PADI2: variants seen among roughly 807,000 people sequenced by gnomAD.
PADI2 encodes peptidyl arginine deiminase 2, also known as protein-arginine deiminase type-2.
In PADI2, 70 loss-of-function variants were observed where a neutral mutation model predicts 81.1. The observed-to-expected ratio is 0.86, with a 90% CI of 0.71 to 1.05. PADI2 has a LOEUF of 1.05. Among genes scored for constraint, PADI2 ranks in the 50% least tolerant of loss-of-function variants. The pLI, the probability that PADI2 is intolerant of heterozygous loss-of-function variation, is 0.00. For missense variants in PADI2, 853 were observed against 889.9 expected (o/e 0.96, Z 0.53); for synonymous variants, 338 against 358.0 (o/e 0.94, Z 0.63).
Position 17,074,965 on chromosome 1 carries a change from C to G in PADI2, c.1456-16G>C. Reference sequence around the variant, plus strand: ...GCAGGAATTTCTGCAAGAGACAGTCCAGAGGGACAGAGTCAGCAGTGGGAA... The same window carrying G: ...GCAGGAATTTCTGCAAGAGACAGTCGAGAGGGACAGAGTCAGCAGTGGGAA... On this transcript the variant is annotated splice_polypyrimidine_tract_variant and intron_variant, in intron 12 of 15. Coordinates refer to ENST00000375486, the MANE Select transcript of PADI2 (RefSeq NM_007365.3). 3.8e-6 allele frequency: 6 copies of G among 1,569,354 alleles called. No individual in the cohort carries two copies. The highest frequency in any genetic ancestry group is 5.3e-6 in the Non-Finnish European group (6 of 1,141,844).
At chr1:17,079,144 G>A (rs1333136099) in intron 11 of PADI2, 120 bp downstream of exon 11, 4 of 775,344 alleles carry the variant, frequency 5.2e-6, no homozygotes, top group East Asian at 2.6e-5. Flanking sequence ...ACAGGAAGTC[G>A]TGGGAGGGAA....
At chr1:17,080,186 A>G (rs1366763651) in intron 10 of PADI2, among the ~76,000 whole-genome samples, 3 of 152,232 alleles carry the variant, frequency 2.0e-5, no homozygotes, top group Non-Finnish European at 4.4e-5. Context: ...CCCTCTGCGC[A>G]GTAAGAGAAT....
chr1:17,084,876 C>T (rs937117912), intron 7 of PADI2, among the ~76,000 whole-genome samples, 174 bp from the exon 8 acceptor site: 1 of 152,254 alleles, frequency 6.6e-6, no homozygotes, highest in African/African-American at 2.4e-5. Context: ...GCCTTCCGAC[C>T]ACCGCAGGAG....
intron 6 of PADI2, among the ~76,000 whole-genome samples, chr1:17,092,144 GC>G (rs1438732517): frequency 1.3e-5 from 2 of 152,114 alleles, no homozygotes; most frequent in Non-Finnish European, 2.9e-5. Flanking sequence ...GTGCCCAAAT[GC>G]CCTTCCTCCC....
chr1:17,074,878 A>T lies in PADI2; in HGVS notation c.1527T>A (p.His509Gln), dbSNP rs1360655967. Residue 509 changes from histidine (H) to glutamine (Q), a missense_variant, in exon 13 of 16, where the codon CAT (histidine) becomes CAA (glutamine). Transcript: ENST00000375486. ...KLFREKQKDG[H>Q]GEAIMFKGLG... is the part of the protein sequence containing the mutation. ...CACCTTTGAACATGATGGCCTCTCC[A>T]TGGCCGTCCTTCTGCTTCTCTCGGA... is the stretch of plus-strand genomic sequence containing the variant. The T allele has an allele frequency of 2.5e-6, 4 of 1,612,350 alleles. No homozygotes were observed. In the African/African-American group the frequency reaches 5.3e-5, roughly 22 times the overall value.
At chr1:17,100,948 C>T (rs1320735424) in intron 3 of PADI2, among the ~76,000 whole-genome samples, 1 of 152,154 alleles carries the variant, frequency 6.6e-6, no homozygotes, top group East Asian at 1.9e-4. Context: ...GCGTGAGACA[C>T]CGCGCCTGGC....
At chr1:17,077,509 T>G (rs1368439991) in intron 11 of PADI2, among the ~76,000 whole-genome samples, 1 of 152,122 alleles carries the variant, frequency 6.6e-6, no homozygotes, top group Non-Finnish European at 1.5e-5. Context: ...TTTCTATCGT[T>G]GCAAGTCCCT....
intron 6 of PADI2, 21 bp downstream of exon 6, chr1:17,092,387 G>A: frequency 6.3e-7 from 1 of 1,583,038 alleles, no homozygotes; most frequent in Non-Finnish European, 8.6e-7. Flanking sequence ...GTCTAGGCTG[G>A]ACTGGGCTGG....
intron 3 of PADI2, among the ~76,000 whole-genome samples, chr1:17,099,961 G>C (rs1931082481): frequency 6.6e-6 from 1 of 152,126 alleles, no homozygotes; most frequent in African/African-American, 2.4e-5. Flanking sequence ...GCTCAATGTG[G>C]ACTCAGGATA....
chr1:17,086,377 G>T, intron 7 of PADI2, 144 bp downstream of exon 7: 1 of 625,952 alleles, frequency 1.6e-6, no homozygotes, highest in Non-Finnish European at 2.7e-6. Context: ...AGGCTTTGCT[G>T]GGGGGCATCG....
chr1:17,086,297 C>T (rs558874897), intron 7 of PADI2, among the ~76,000 whole-genome samples: 2 of 152,260 alleles, frequency 1.3e-5, no homozygotes, highest in South Asian at 2.1e-4. Flanking sequence ...ACAGGGAATC[C>T]GTGGGGAGCA....
At chr1:17,071,287 C>T in intron 14 of PADI2, 119 bp downstream of exon 14, 1 of 690,790 alleles carries the variant, frequency 1.4e-6, no homozygotes, top group Non-Finnish European at 2.6e-6. Flanking sequence ...TGCTGCTGTG[C>T]TCGGGGTCAG....
chr1:17,097,043 G>A (rs1930961379), intron 3 of PADI2, among the ~76,000 whole-genome samples: 1 of 152,216 alleles, frequency 6.6e-6, no homozygotes, highest in Non-Finnish European at 1.5e-5. Context: ...ATTGCCTTGA[G>A]TTGGAGACGG....
intron 10 of PADI2, 140 bp from the exon 11 acceptor site, chr1:17,079,555 A>G (rs958975714): frequency 3.9e-5 from 24 of 615,608 alleles, no homozygotes; most frequent in Admixed American, 3.1e-5. Flanking sequence ...TCTTCCTATG[A>G]TTAACAAAGA....
Position 17,071,308 on chromosome 1 carries a change from G to A in PADI2, c.1635+98C>T. On this transcript the variant is annotated intron_variant, in intron 14 of 15. Coordinates refer to ENST00000375486, the MANE Select transcript of PADI2 (RefSeq NM_007365.3). ...TGTGCTCGGGGTCAGGAGCTCCTGA[G>A]CCCTTGGCCATTCTCTACGGAAGCC... 4 of 848,514 alleles carry A rather than the reference G, an allele frequency of 4.7e-6. No homozygotes were observed. The South Asian group carries it at 5.7e-5, about 12-fold the overall frequency. The allele number at this position is 848,514 out of a possible 1,614,324, so 52.6% of individuals were successfully genotyped here.
chr1:17,112,036 T>C (rs59178096), intron 1 of PADI2, among the ~76,000 whole-genome samples: 9,071 of 152,048 alleles, frequency 0.06, 905 homozygotes, highest in African/African-American at 0.21. Context: ...GGTGGCATGA[T>C]CAGTTTTGCA....
At chr1:17,081,127 G>A (rs561718944) in intron 10 of PADI2, among the ~76,000 whole-genome samples, 51 of 152,198 alleles carry the variant, frequency 3.4e-4, no homozygotes, top group Middle Eastern at 3.2e-3. Flanking sequence ...GAAAGGCCTC[G>A]CTTCTCATGC....
intron 7 of PADI2, 148 bp from the exon 8 acceptor site, chr1:17,084,850 G>A (rs1453229262): frequency 3.4e-6 from 2 of 579,848 alleles, no homozygotes; most frequent in South Asian, 2.1e-5. Context: ...ACTTTCACAT[G>A]TGCCAATTCT....
At chr1:17,098,178 C>A (rs1931014168) in intron 3 of PADI2, among the ~76,000 whole-genome samples, 1 of 152,202 alleles carries the variant, frequency 6.6e-6, no homozygotes, top group African/African-American at 2.4e-5. Flanking sequence ...CTGCAATGAA[C>A]CCAGGCTGAC....
Sources: gnomAD v4.1 joint callset for allele counts (sites outside exome capture counted in the v4.1 genomes callset) on GRCh38, gnomAD v4.1.1 for gene constraint, MANE v1.5 for transcripts, NCBI Gene and HGNC (gene_info 2026-07-23, HGNC 2026-07-21) for gene names.